Variants in CLCN5 observed in about 807,000 individuals in gnomAD.
CLCN5 encodes H(+)/Cl(-) exchange transporter 5.
A neutral mutation model predicts 54.0 loss-of-function variants in CLCN5; 17 were observed. The observed-to-expected ratio is 0.31, with a 90% CI of 0.22 to 0.47. The LOEUF (loss-of-function observed/expected upper bound fraction) is 0.47. Among genes scored for constraint, CLCN5 ranks in the 20% least tolerant of loss-of-function variants. The probability of loss-of-function intolerance (pLI) is 1.00; values close to 1 mark genes in which losing one functional copy is unlikely to be tolerated. For missense variants in CLCN5, 448 were observed against 646.7 expected (o/e 0.69, Z 3.33); for synonymous variants, 222 against 233.0 (o/e 0.95, Z 0.43).
In CLCN5 at chrX:50,092,421, C is replaced by A; in HGVS notation, c.*202C>A. 2 of 411,427 alleles carry A rather than the reference C, an allele frequency of 4.9e-6. No homozygotes were observed. The highest frequency in any genetic ancestry group is 4.2e-6 in the Non-Finnish European group (1 of 235,452). The allele number at this position is 411,427 out of a possible 1,213,427, so 33.9% of individuals were successfully genotyped here. ...TTTAGGAGAAATTATAGTTAGGCTT[C>A]CATGATGTTACATTAGGAAGATATC... is the stretch of plus-strand genomic sequence containing the variant. On this transcript the variant is annotated 3_prime_UTR_variant, in exon 15 of 15. Coordinates refer to ENST00000376091, the MANE Select transcript of CLCN5 (RefSeq NM_001127898.4).
At chrX:50,063,834 G>C in intron 4 of CLCN5, among the ~76,000 whole-genome samples, 1 of 111,237 alleles carries the variant, frequency 9.0e-6, no homozygotes, top group Non-Finnish European at 1.9e-5. Context: ...CGTCATCCCT[G>C]GGATGCAAGG....
At chrX:50,075,120 A>G (rs1315364958) in intron 6 of CLCN5, among the ~76,000 whole-genome samples, 6 of 111,737 alleles carry the variant, frequency 5.4e-5, no homozygotes, top group African/African-American at 2.0e-4. Context: ...TCCTAGGTTC[A>G]GGAGGCCTCA....
chrX:49,990,101 C>G (rs1156723868), intron 3 of CLCN5, among the ~76,000 whole-genome samples: 2 of 111,143 alleles, frequency 1.8e-5, no homozygotes, highest in African/African-American at 6.5e-5. Flanking sequence ...TTTCCCCTTT[C>G]ATTTATTTAT....
rs1326216449 is a variant in CLCN5, at chrX:50,097,576, G to C, written c.*5357G>C. The C allele has an allele frequency of 3.6e-5, 4 of 111,043 alleles. No homozygotes were observed. Among genetic ancestry groups the C allele is most frequent in the Non-Finnish European group, 7.6e-5 (4 of 52,925 alleles). 9.2% of individuals were successfully genotyped at this position (111,043 alleles called of 1,213,427 possible). On this transcript the variant is annotated 3_prime_UTR_variant, in exon 15 of 15. Transcript: ENST00000376091. ...GAGTTTAAAAAAAAAAAAGATCTCTGCCTCTCTTCTCTCTGCCTCGTCCCA... is the reference window on the plus strand; with the variant it reads ...GAGTTTAAAAAAAAAAAAGATCTCTCCCTCTCTTCTCTCTGCCTCGTCCCA...
At chrX:49,947,186 T>C (rs1367479212) in intron 3 of CLCN5, among the ~76,000 whole-genome samples, 1 of 111,778 alleles carries the variant, frequency 8.9e-6, no homozygotes, top group Non-Finnish European at 1.9e-5. Context: ...CTCTAACAGC[T>C]GTGACTCTAA....
chrX:49,963,827 A>G (rs1290144066), intron 3 of CLCN5, among the ~76,000 whole-genome samples: 1 of 112,201 alleles, frequency 8.9e-6, no homozygotes, highest in Non-Finnish European at 1.9e-5. Flanking sequence ...TGCCTGCATC[A>G]TCATTTTGAC....
intron 3 of CLCN5, among the ~76,000 whole-genome samples, chrX:49,972,149 G>A (rs921196385): frequency 8.8e-5 from 9 of 102,844 alleles, no homozygotes; most frequent in African/African-American, 2.5e-4. Flanking sequence ...GTGTGTGTGT[G>A]TGTGTGTGTG....
At position 50,086,017 on chromosome X, in the gene CLCN5, C is replaced by G. The variant is rs1557193819; in HGVS notation, c.971C>G (p.Ala324Gly). 1.7e-6 allele frequency: 2 copies of G among 1,209,765 alleles called. No homozygotes were observed. The highest frequency in any genetic ancestry group is 2.2e-6 in the Non-Finnish European group (2 of 893,614). ...GCAGCAGCAGCTGGTGTATCTGTAGCCTTTGGAGCACCTATAGGTGGAGTA... is the reference window on the plus strand; with the variant it reads ...GCAGCAGCAGCTGGTGTATCTGTAGGCTTTGGAGCACCTATAGGTGGAGTA... ...SAAAAAGVSVAFGAPIGGVLF... is the reference protein window; with the variant it reads ...SAAAAAGVSVGFGAPIGGVLF... The change falls in exon 10 of 15, where the codon GCC (alanine) becomes GGC (glycine). Residue 324 changes from alanine to glycine, a missense_variant. Transcript: ENST00000376091.
rs782502105 is a variant in CLCN5, at chrX:50,094,320, T to C, written c.*2101T>C. 1 of 111,842 alleles carries C rather than the reference T, an allele frequency of 8.9e-6. No homozygotes were observed. The highest frequency in any genetic ancestry group is 3.2e-5 in the African/African-American group (1 of 30,839). 9.2% of individuals were successfully genotyped at this position (111,842 alleles called of 1,213,427 possible). ...GTAACCACATATTTTGTCCTTTCCA[T>C]GTCACTGATTCCTTCATATGAGACT... On this transcript the variant is annotated 3_prime_UTR_variant, in exon 15 of 15. Transcript: ENST00000376091.
Position 50,094,678 on chromosome X carries a change from C to T in CLCN5, c.*2459C>T, listed in dbSNP as rs1934204525. On this transcript the variant is annotated 3_prime_UTR_variant, in exon 15 of 15. Coordinates refer to ENST00000376091, the MANE Select transcript of CLCN5 (RefSeq NM_001127898.4). ...GGTATACTTTGTAGATGCTAAGCAC[C>T]GATTGGCCCTCCAGAGAATGACAAT... The T allele has an allele frequency of 8.9e-6, 1 of 112,346 alleles. No homozygotes were observed. 9.3% of individuals were successfully genotyped at this position (112,346 alleles called of 1,213,427 possible). A position where few individuals can be genotyped will look rare whatever the true frequency, so the allele number is the denominator to read the frequency against.
At chrX:50,012,123 G>A (rs782516205) in intron 3 of CLCN5, among the ~76,000 whole-genome samples, 15 of 111,315 alleles carry the variant, frequency 1.3e-4, no homozygotes, top group African/African-American at 3.9e-4. Context: ...AGGAACTTCC[G>A]TTGCCCACAT....
chrX:50,058,939 C>T (rs1390388185), intron 4 of CLCN5, among the ~76,000 whole-genome samples: 1 of 111,555 alleles, frequency 9.0e-6, no homozygotes, highest in Non-Finnish European at 1.9e-5. Flanking sequence ...TATTTACATG[C>T]CAGAAGCTTA....
At chrX:49,973,911 C>T (rs1164262394) in intron 3 of CLCN5, among the ~76,000 whole-genome samples, 1 of 111,894 alleles carries the variant, frequency 8.9e-6, no homozygotes, top group Admixed American at 9.5e-5. Flanking sequence ...CATCAGTAGT[C>T]ACCCCCCAGC....
intron 3 of CLCN5, among the ~76,000 whole-genome samples, chrX:49,928,070 G>A (rs1349840454): frequency 3.6e-5 from 4 of 111,689 alleles, no homozygotes; most frequent in Non-Finnish European, 7.5e-5. Flanking sequence ...TAGAGAGAAG[G>A]AAAAAGTTTT....
intron 3 of CLCN5, among the ~76,000 whole-genome samples, chrX:49,935,829 T>G (rs1925929226): frequency 9.1e-6 from 1 of 110,374 alleles, no homozygotes; most frequent in Admixed American, 9.6e-5. Context: ...ATTGGAAAGG[T>G]GGGCAGGGGA....
At position 49,950,009 on chromosome X, in the gene CLCN5, T is replaced by A. The variant is rs1926959441; in HGVS notation, c.16+24695T>A. 2.7e-5 allele frequency among the ~76,000 whole-genome samples: 3 copies of A among 112,206 alleles called. No individual in the cohort carries two copies. The South Asian group carries it at 1.1e-3, about 41-fold the overall frequency. On this transcript the variant is annotated intron_variant, in intron 3 of 14. Transcript: ENST00000376091. ...AAAGCAACAAAATAACCCAAAATAATGCTGAGTAAAACACAAGAAGTTATG... is the reference window on the plus strand; with the variant it reads ...AAAGCAACAAAATAACCCAAAATAAAGCTGAGTAAAACACAAGAAGTTATG...
At chrX:50,012,467 C>A (rs370216429) in intron 3 of CLCN5, among the ~76,000 whole-genome samples, 87 of 112,374 alleles carry the variant, frequency 7.7e-4, no homozygotes, top group African/African-American at 2.6e-3. Flanking sequence ...AGTGCTGTTT[C>A]TTTTGTACAT....
intron 7 of CLCN5, among the ~76,000 whole-genome samples, chrX:50,078,585 T>C (rs1173574621): frequency 6.2e-5 from 7 of 112,599 alleles, no homozygotes; most frequent in African/African-American, 2.3e-4. Flanking sequence ...TAGTTCATAG[T>C]TCATTGCCAT....
At chrX:50,056,780 T>A (rs1932756551) in intron 4 of CLCN5, among the ~76,000 whole-genome samples, 1 of 111,818 alleles carries the variant, frequency 8.9e-6, no homozygotes, top group African/African-American at 3.3e-5. Flanking sequence ...GAAGGAGGTG[T>A]TAGAATCTGA....
Sources: allele counts gnomAD v4.1 joint callset (sites outside exome capture counted in the v4.1 genomes callset), GRCh38; gene constraint gnomAD v4.1.1; transcripts MANE v1.5; gene names NCBI Gene and HGNC (gene_info 2026-07-23, HGNC 2026-07-21).